Variants in QKI observed in about 807,000 individuals in gnomAD.
The protein encoded by QKI is QKI, KH domain containing RNA binding, also known as KH domain-containing RNA-binding protein QKI.
Under a neutral mutation model 39.0 loss-of-function variants are expected in QKI, and 10 were observed. The observed-to-expected ratio is 0.26, with a 90% CI of 0.16 to 0.43. QKI has a LOEUF of 0.43. Ranked by LOEUF, QKI falls within the 20% of genes least tolerant of loss-of-function variation. QKI has a pLI of 1.00. For synonymous variants in QKI, 204 were observed against 155.4 expected, an observed-to-expected ratio of 1.31 and a Z score of -2.33; for missense variants, 218 against 428.0, an observed-to-expected ratio of 0.51 and a Z score of 4.33.
At chr6:163,498,276 G>C (rs1489070151) in intron 3 of QKI, among the ~76,000 whole-genome samples, 1 of 151,538 alleles carries the variant, frequency 6.6e-6, no homozygotes, top group Non-Finnish European at 1.5e-5. Context: ...CAATTGTACA[G>C]CACAGATAAA....
At chr6:163,422,914 A>C (rs1788097811) in intron 1 of QKI, among the ~76,000 whole-genome samples, 1 of 152,190 alleles carries the variant, frequency 6.6e-6, no homozygotes, top group African/African-American at 2.4e-5. Context: ...TTATAGTTTG[A>C]AATATATAGG....
At chr6:163,547,939 T>C (rs1781991504) in intron 4 of QKI, among the ~76,000 whole-genome samples, 1 of 152,204 alleles carries the variant, frequency 6.6e-6, no homozygotes, top group Non-Finnish European at 1.5e-5. Context: ...ATGTATGGCA[T>C]TCATAGCTTA....
intron 1 of QKI, among the ~76,000 whole-genome samples, chr6:163,417,476 C>T (rs1412460276): frequency 1.3e-5 from 2 of 152,116 alleles, no homozygotes; most frequent in Admixed American, 1.3e-4. Flanking sequence ...TAAAAGGCTT[C>T]TTGTGCTTTT....
In QKI at chr6:163,420,612, T is replaced by A. The variant is rs549377209; in HGVS notation, c.142+5277T>A. ...CTTCATTTTTTTCTCCAGTCCCTCC[T>A]GTGTTTGACATTAAGACAGCTTAAT... On this transcript the variant is annotated intron_variant, in intron 1 of 7. Coordinates refer to ENST00000361752, the MANE Select transcript of QKI (RefSeq NM_006775.3). 3.3e-5 allele frequency among the ~76,000 whole-genome samples: 5 copies of A among 152,286 alleles called. No homozygotes were observed. In the South Asian group the frequency reaches 6.2e-4, roughly 19 times the overall value.
intron 2 of QKI, 34 bp downstream of exon 2, chr6:163,455,455 T>G (rs1264573721): frequency 6.3e-7 from 1 of 1,580,362 alleles, no homozygotes; most frequent in Non-Finnish European, 8.7e-7. Flanking sequence ...TCAATTTTGT[T>G]CTGCTTCACA....
chr6:163,431,677 A>G lies in QKI; in HGVS notation c.142+16342A>G, dbSNP rs78371135. ...TTAGATTTTAATCTATTAATAGAAT[A>G]TATTATCTCCCCTCATTCAGTTATA... On this transcript the variant is annotated intron_variant, in intron 1 of 7. Transcript: ENST00000361752. Among the ~76,000 whole-genome samples, 36 of 152,190 alleles carry G rather than the reference A, an allele frequency of 2.4e-4. No individual in the cohort carries two copies. In the East Asian group the frequency reaches 3.9e-3, roughly 16 times the overall value.
intron 1 of QKI, among the ~76,000 whole-genome samples, chr6:163,423,917 G>A (rs1018149643): frequency 3.3e-5 from 5 of 152,230 alleles, no homozygotes; most frequent in African/African-American, 1.2e-4. Flanking sequence ...ACTTGTATCA[G>A]TTTTAGATCA....
At chr6:163,548,193 C>T (rs1782009180) in intron 4 of QKI, among the ~76,000 whole-genome samples, 1 of 152,182 alleles carries the variant, frequency 6.6e-6, no homozygotes, top group East Asian at 1.9e-4. Flanking sequence ...TGTTTATCCC[C>T]TTGCCCCTGA....
intron 2 of QKI, among the ~76,000 whole-genome samples, chr6:163,473,824 A>G (rs1792381156): frequency 6.6e-6 from 1 of 152,172 alleles, no homozygotes; most frequent in African/African-American, 2.4e-5. Flanking sequence ...ACATTCCAAC[A>G]TGTTTTGCTA....
intron 3 of QKI, among the ~76,000 whole-genome samples, chr6:163,509,455 T>C (rs1002540658): frequency 1.5e-5 from 2 of 134,492 alleles, no homozygotes; most frequent in Non-Finnish European, 3.1e-5. Context: ...AATTTCTTTA[T>C]ATTACATATG....
chr6:163,563,913 C>T, intron 6 of QKI, 194 bp downstream of exon 6: 1 of 1,411,766 alleles, frequency 7.1e-7, no homozygotes, highest in Admixed American at 3.2e-5. Flanking sequence ...TAAATTTATT[C>T]AGATCCACTT....
chr6:163,475,287 AC>A (rs1277599454), intron 2 of QKI, among the ~76,000 whole-genome samples: 2 of 152,182 alleles, frequency 1.3e-5, no homozygotes, highest in Non-Finnish European at 1.5e-5. Context: ...TAGGATCAAA[AC>A]TTTTAGGGGA....
At chr6:163,426,999 T>C (rs901719151) in intron 1 of QKI, among the ~76,000 whole-genome samples, 2 of 152,164 alleles carry the variant, frequency 1.3e-5, no homozygotes, top group Admixed American at 1.3e-4. Flanking sequence ...GCTGCTTGCT[T>C]TCTGGGGCAC....
intron 4 of QKI, among the ~76,000 whole-genome samples, chr6:163,556,210 CTGTTAAACATAGT>C (rs1281544230): frequency 2.6e-5 from 4 of 152,110 alleles, no homozygotes; most frequent in African/African-American, 9.7e-5. Flanking sequence ...TTTAACATAG[CTGTTAAACATAGT>C]TGATGATGGC....
chr6:163,469,599 A>G (rs780614908), intron 2 of QKI, among the ~76,000 whole-genome samples: 2 of 152,204 alleles, frequency 1.3e-5, no homozygotes, highest in African/African-American at 2.4e-5. Context: ...TCCTTGCCAC[A>G]TAATAAGCCT....
At chr6:163,510,914 T>G (rs940681211) in intron 3 of QKI, among the ~76,000 whole-genome samples, 1 of 152,228 alleles carries the variant, frequency 6.6e-6, no homozygotes, top group Non-Finnish European at 1.5e-5. Flanking sequence ...AATTTATTAT[T>G]AGCCATTCTT....
intron 1 of QKI, among the ~76,000 whole-genome samples, chr6:163,444,183 G>A (rs1204912385): frequency 1.3e-5 from 2 of 152,174 alleles, no homozygotes; most frequent in East Asian, 1.9e-4. Context: ...TACAGCCCTT[G>A]CCTGTAGGGG....
At chr6:163,487,824 A>G (rs1287795420) in intron 3 of QKI, among the ~76,000 whole-genome samples, 1 of 152,048 alleles carries the variant, frequency 6.6e-6, no homozygotes, top group African/African-American at 2.4e-5. Context: ...GGTAGTACAT[A>G]AAGTCTCATT....
rs1319836553 is a variant in QKI at position 163,571,728 on chromosome 6, AG to A, written c.*1019del. On this transcript the variant is annotated 3_prime_UTR_variant, in exon 8 of 8. Transcript: ENST00000361752. ...ATACTTTCAAGTGTTATAAAAAAAAAGAAAAAGAACAAAGAAACCCTTTATT... is the reference window on the plus strand; with the variant it reads ...ATACTTTCAAGTGTTATAAAAAAAAAAAAAAGAACAAAGAAACCCTTTATT... 1 of 151,554 alleles carries A rather than the reference AG, an allele frequency of 6.6e-6. No individual in the cohort carries two copies. Among genetic ancestry groups the A allele is most frequent in the Admixed American group, 6.6e-5 (1 of 15,218 alleles). The allele number at this position is 151,554 out of a possible 1,614,324, so 9.4% of individuals were successfully genotyped here.
Sources: gnomAD v4.1 joint callset for allele counts (sites outside exome capture counted in the v4.1 genomes callset) on GRCh38, gnomAD v4.1.1 for gene constraint, MANE v1.5 for transcripts, NCBI Gene and HGNC (gene_info 2026-07-23, HGNC 2026-07-21) for gene names.